The following NUP214 variants were observed in gnomAD, a reference collection of about 807,000 sequenced individuals.
NUP214 encodes nucleoporin 214, also known as nuclear pore complex protein Nup214.
NUP214 carries 79 observed loss-of-function variants against 196.2 expected under a neutral mutation model. That is an observed-to-expected ratio of 0.40 (90% CI 0.34 to 0.49). The LOEUF is 0.49. Among genes scored for constraint, NUP214 ranks in the 20% least tolerant of loss-of-function variants. The pLI is 0.58. For synonymous variants in NUP214, 1,020 were observed against 990.5 expected (o/e 1.03, Z -0.56); for missense variants, 2,468 against 2,539.0 (o/e 0.97, Z 0.60).
chr9:131,232,686 C>T lies in NUP214; in HGVS notation c.6239+378C>T. On this transcript the variant is annotated intron_variant, in intron 35 of 35. Coordinates refer to ENST00000359428, the MANE Select transcript of NUP214 (RefSeq NM_005085.4). The surrounding 1 kb of genome is among the most constrained non-coding windows in gnomAD (Gnocchi z 5.1). ...CAGGTCTCATGTGTTGATCCACCCT[C>T]TGTGCTTCTGTGTAAAATTTCATGG... 1 of 310,190 alleles carries T rather than the reference C, an allele frequency of 3.2e-6. No individual in the cohort carries two copies. The highest frequency in any genetic ancestry group is 7.5e-5 in the East Asian group (1 of 13,258). 19.2% of individuals were successfully genotyped at this position (310,190 alleles called of 1,614,324 possible).
At chr9:131,172,228 T>C (rs1832979456) in intron 21 of NUP214, among the ~76,000 whole-genome samples, 1 of 151,956 alleles carries the variant, frequency 6.6e-6, no homozygotes, top group East Asian at 1.9e-4. Flanking sequence ...GTTTCCTGAC[T>C]TTTTAATGAT....
rs1564206401 is a variant in NUP214 at position 131,198,547 on chromosome 9, CTGTT to C, written c.5056_5059del (p.Phe1686GlyfsTer174). The C allele has an allele frequency of 6.2e-7, 1 of 1,614,238 alleles. No individual in the cohort carries two copies. Among genetic ancestry groups the C allele is most frequent in the Non-Finnish European group, 8.5e-7 (1 of 1,180,046 alleles). ...AGTGGCAGCCAGCACCGCACCAAGT[CTGTT>C]TGGGCAGCAGACTGGTAGCACAGCC... On this transcript the variant is annotated frameshift_variant, in exon 29 of 36. Coordinates refer to ENST00000359428, the MANE Select transcript of NUP214 (RefSeq NM_005085.4). LOFTEE classifies it high-confidence loss of function.
At chr9:131,184,831 C>T (rs1196164929) in intron 24 of NUP214, among the ~76,000 whole-genome samples, 19 of 152,132 alleles carry the variant, frequency 1.2e-4, no homozygotes, top group Admixed American at 1.2e-3. Context: ...GTTATATTTC[C>T]ATCGACAGAT....
rs967550271 is a variant in NUP214, at chr9:131,139,278, T to A, written c.1006-3T>A. On this transcript the variant is annotated splice_region_variant and splice_polypyrimidine_tract_variant and intron_variant, in intron 9 of 35. Coordinates refer to ENST00000359428, the MANE Select transcript of NUP214 (RefSeq NM_005085.4). ...TTCTTTTTTTTTTTTTTTTTTTTTTTAGATTAATTGGGAATCTTGGCTACT... is the reference window on the plus strand; with the variant it reads ...TTCTTTTTTTTTTTTTTTTTTTTTTAAGATTAATTGGGAATCTTGGCTACT... 10 of 1,391,380 alleles carry A rather than the reference T, an allele frequency of 7.2e-6. No individual in the cohort carries two copies. In the African/African-American group the frequency reaches 9.2e-5, roughly 13 times the overall value. 86.2% of individuals were successfully genotyped at this position (1,391,380 alleles called of 1,614,324 possible). A position where few individuals can be genotyped will look rare whatever the true frequency, so the allele number is the denominator to read the frequency against.
At chr9:131,203,969 A>G (rs1255993188) in intron 30 of NUP214, among the ~76,000 whole-genome samples, 1 of 152,234 alleles carries the variant, frequency 6.6e-6, no homozygotes, top group East Asian at 1.9e-4. Flanking sequence ...CCATGTTGAC[A>G]GGTCTCAGCC....
chr9:131,171,538 G>A (rs867877759), intron 21 of NUP214, among the ~76,000 whole-genome samples: 3 of 124,204 alleles, frequency 2.4e-5, no homozygotes, highest in Non-Finnish European at 4.9e-5. Flanking sequence ...TATCTCACAG[G>A]AAGATTTTCT....
intron 24 of NUP214, among the ~76,000 whole-genome samples, chr9:131,181,051 C>T (rs962970290): frequency 5.3e-5 from 8 of 151,860 alleles, no homozygotes; most frequent in East Asian, 1.9e-4. Flanking sequence ...AAAATTAAAG[C>T]GGGGGAAAGG....
In NUP214 at chr9:131,150,341, T is replaced by G; in HGVS notation, c.2058T>G (p.Pro686=). 1 of 1,614,242 alleles carries G rather than the reference T, an allele frequency of 6.2e-7. No homozygotes were observed. The highest frequency in any genetic ancestry group is 2.2e-5 in the East Asian group (1 of 44,886). The change falls in exon 15 of 36, where the codon CCT becomes CCG. Residue 686 remains proline, a synonymous_variant. Transcript: ENST00000359428. ...CATTTCAGGCAAAGTCACTTCAGCC[T>G]GCTGTTGCAGAAAAGCAGGGACATC... The part of the protein sequence containing the change: ...PGSPQAKSLQ[P]AVAEKQGHQW...
intron 18 of NUP214, among the ~76,000 whole-genome samples, chr9:131,159,783 G>T (rs1410612486): frequency 6.6e-6 from 1 of 151,980 alleles, no homozygotes; most frequent in Non-Finnish European, 1.5e-5. Context: ...CTTGAACCCA[G>T]GAGGCGGAGG....
chr9:131,132,303 G>A (rs184542316), intron 5 of NUP214, among the ~76,000 whole-genome samples: 47 of 151,384 alleles, frequency 3.1e-4, no homozygotes, highest in Admixed American at 7.2e-4. Flanking sequence ...TAGTAGAGAC[G>A]GGGTTTCGCC....
chr9:131,130,714 A>C, intron 4 of NUP214, 52 bp from the exon 5 acceptor site: 1 of 1,484,746 alleles, frequency 6.7e-7, no homozygotes, highest in South Asian at 1.1e-5. Flanking sequence ...GATAGATCTT[A>C]TTGGTTTGCT....
chr9:131,157,069 C>A (rs1460305016), intron 17 of NUP214, among the ~76,000 whole-genome samples: 1 of 151,950 alleles, frequency 6.6e-6, no homozygotes, highest in African/African-American at 2.4e-5. Flanking sequence ...AATTCCTGGG[C>A]CCAGGTGATC....
At chr9:131,218,394 G>A (rs774833977) in intron 31 of NUP214, among the ~76,000 whole-genome samples, 3 of 152,104 alleles carry the variant, frequency 2.0e-5, no homozygotes, top group African/African-American at 4.8e-5. Context: ...ACTCAGGATC[G>A]TTTCTGCAGA....
At chr9:131,213,751 C>CGTTGTTGTTGTTGT (rs1554740989) in intron 30 of NUP214, among the ~76,000 whole-genome samples, 1 of 147,532 alleles carries the variant, frequency 6.8e-6, no homozygotes, top group East Asian at 2.0e-4. Context: ...TGAATTGGTA[C>CGTTGTTGTTGTTGT]TGTTGTTGTT....
chr9:131,150,865 C>A, intron 16 of NUP214, 100 bp downstream of exon 16: 1 of 1,183,050 alleles, frequency 8.5e-7, no homozygotes, highest in Non-Finnish European at 1.2e-6. Flanking sequence ...TCAAGGACCA[C>A]CAGTGTTGTT....
At chr9:131,159,184 G>A in intron 17 of NUP214, 199 bp from the exon 18 acceptor site, 2 of 570,938 alleles carry the variant, frequency 3.5e-6, no homozygotes, top group Non-Finnish European at 6.1e-6. Flanking sequence ...AGGGTGTTGG[G>A]ATTATAGGCC....
chr9:131,200,673 C>T (rs1292067524), intron 29 of NUP214, among the ~76,000 whole-genome samples: 2 of 152,166 alleles, frequency 1.3e-5, no homozygotes, highest in Non-Finnish European at 2.9e-5. Flanking sequence ...CGTGCCACTG[C>T]ACTCCAGCCT....
chr9:131,129,861 C>A (rs776107936), intron 4 of NUP214, among the ~76,000 whole-genome samples: 2 of 151,998 alleles, frequency 1.3e-5, no homozygotes, highest in Non-Finnish European at 2.9e-5. Flanking sequence ...TCCTCCACCC[C>A]GCATATGCTA....
At chr9:131,178,203 G>C (rs1163496954) in intron 23 of NUP214, 108 bp from the exon 24 acceptor site, 3 of 749,196 alleles carry the variant, frequency 4.0e-6, no homozygotes, top group African/African-American at 1.7e-5. Context: ...ACATGATAAG[G>C]CTCTAATCTG....
Sources: allele counts gnomAD v4.1 joint callset (sites outside exome capture counted in the v4.1 genomes callset), GRCh38; gene constraint gnomAD v4.1.1; non-coding constraint Gnocchi (gnomAD v3.1); transcripts MANE v1.5; gene names NCBI Gene and HGNC (gene_info 2026-07-23, HGNC 2026-07-21).